The following ACVR1 variants were observed in gnomAD, a reference collection of about 807,000 sequenced individuals.
ACVR1 encodes the protein activin receptor type-1.
In ACVR1, 38 loss-of-function variants were observed where a neutral mutation model predicts 57.1. That is an observed-to-expected ratio of 0.67 (90% CI 0.51 to 0.87). The LOEUF (loss-of-function observed/expected upper bound fraction) is 0.87. Among genes scored for constraint, ACVR1 ranks in the 40% least tolerant of loss-of-function variants. ACVR1 has a pLI of 0.00. For missense variants in ACVR1, 463 were observed against 638.2 expected, an observed-to-expected ratio of 0.73 and a Z score of 2.96; for synonymous variants, 212 against 228.1, an observed-to-expected ratio of 0.93 and a Z score of 0.63.
rs142269555 is a variant in ACVR1, at chr2:157,776,879, T to C, written c.543+1252A>G. ...ACTGCAAAATGATTTCAAATACACA[T>C]GGGCAATGGCATTAAGTAAAACTGA... On this transcript the variant is annotated intron_variant, in intron 5 of 10. Transcript: ENST00000434821. Among the ~76,000 whole-genome samples the C allele has an allele frequency of 3.8e-3, 576 of 152,334 alleles. 2 individuals are homozygous for C. The highest frequency in any genetic ancestry group is 0.015 in the South Asian group (74 of 4,832).
chr2:157,826,786 G>GA lies in ACVR1; in HGVS notation c.-182-8228dup, dbSNP rs758999248. Reference sequence around the variant, plus strand: ...GAAAGGAAAGGAAAGGAAAGGAAAGGAAAGGGAAAGGGAAAAGGAAAAGGA... The same window carrying GA: ...GAAAGGAAAGGAAAGGAAAGGAAAGGAAAAGGGAAAGGGAAAAGGAAAAGGA... On this transcript the variant is annotated intron_variant, in intron 1 of 10. Transcript: ENST00000434821. The GA allele has an allele frequency of 5.7e-4, 59 of 103,424 alleles. 2 individuals are homozygous for GA. The highest frequency in any genetic ancestry group is 2.3e-3 in the African/African-American group (50 of 21,738). The allele number at this position is 103,424 out of a possible 1,614,324, so 6.4% of individuals were successfully genotyped here.
rs373130379 is a variant in ACVR1 at position 157,808,993 on chromosome 2, C to G, written c.-8+9392G>C. ...AATTACAGCAATGTGAGGCAAGAACCCTGGTCTTTACAAAAAGGAACTCTT... is the reference window on the plus strand; with the variant it reads ...AATTACAGCAATGTGAGGCAAGAACGCTGGTCTTTACAAAAAGGAACTCTT... On this transcript the variant is annotated intron_variant, in intron 2 of 10. Coordinates refer to ENST00000434821, the MANE Select transcript of ACVR1 (RefSeq NM_001111067.4). 1.1e-4 allele frequency among the ~76,000 whole-genome samples: 16 copies of G among 152,188 alleles called. No homozygotes were observed. The East Asian group carries it at 3.1e-3, about 29-fold the overall frequency.
In ACVR1 at chr2:157,799,444, G is replaced by A; in HGVS notation, c.50C>T (p.Pro17Leu). ...TCACTTACCTTCCATACTAGGGGAGGGGAGAGCAATCATGATAAGCACAGG... is the reference window on the plus strand; with the variant it reads ...TCACTTACCTTCCATACTAGGGGAGAGGAGAGCAATCATGATAAGCACAGG... ...ILPVLIMIAL[P>L]SPSMEDEKPK... The change falls in exon 3 of 11, where the codon CCC becomes CTC. Residue 17 changes from proline (P) to leucine (L), a missense_variant. Physicochemically the swap from Pro to Leu is moderately conservative, Grantham distance 98. Coordinates refer to ENST00000434821, the MANE Select transcript of ACVR1 (RefSeq NM_001111067.4). 3 of 1,612,150 alleles carry A rather than the reference G, an allele frequency of 1.9e-6. No homozygotes were observed. In the South Asian group the frequency reaches 3.3e-5, roughly 18 times the overall value.
intron 2 of ACVR1, among the ~76,000 whole-genome samples, chr2:157,802,709 C>A (rs947298057): frequency 6.6e-6 from 1 of 152,192 alleles, no homozygotes; most frequent in African/African-American, 2.4e-5. Flanking sequence ...ACTCTCTGCT[C>A]ATTCTCATAG....
chr2:157,825,291 T>C (rs1435193542), intron 1 of ACVR1, among the ~76,000 whole-genome samples: 1 of 152,158 alleles, frequency 6.6e-6, no homozygotes, highest in Non-Finnish European at 1.5e-5. Context: ...TTTCTAATTC[T>C]CCTTCATTTT....
Position 157,770,474 on chromosome 2 carries a change from T to C in ACVR1, c.684A>G (p.Gln228=). 1 of 1,614,074 alleles carries C rather than the reference T, an allele frequency of 6.2e-7. No individual in the cohort carries two copies. The highest frequency in any genetic ancestry group is 8.5e-7 in the Non-Finnish European group (1 of 1,179,960). The stretch of plus-strand genomic sequence containing the variant: ...AGATCTTCACGGCAACATTCTCCCC[T>C]TGCCAGCTGCCCCTCCACACCTCAC... ...RYGEVWRGSW[Q]GENVAVKIFS... Residue 228 remains glutamine, a synonymous_variant, in exon 7 of 11, where the codon CAA becomes CAG. Transcript: ENST00000434821.
intron 9 of ACVR1, among the ~76,000 whole-genome samples, chr2:157,741,138 G>A (rs1409559349): frequency 6.6e-6 from 1 of 152,094 alleles, no homozygotes; most frequent in East Asian, 1.9e-4. Flanking sequence ...AGCAGGACAA[G>A]TCTCTCATTT....
intron 3 of ACVR1, among the ~76,000 whole-genome samples, chr2:157,794,086 A>T (rs983834762): frequency 6.6e-6 from 1 of 152,216 alleles, no homozygotes; most frequent in Non-Finnish European, 1.5e-5. Flanking sequence ...GCTTTGAAAT[A>T]TTTCCAAAGG....
At chr2:157,867,303 C>T (rs1021022604) in intron 1 of ACVR1, among the ~76,000 whole-genome samples, 86 of 152,226 alleles carry the variant, frequency 5.6e-4, no homozygotes, top group African/African-American at 2.1e-3. Context: ...TTCCTCCTGG[C>T]TTCTGGGCAT....
At chr2:157,788,259 C>T (rs541594730) in intron 3 of ACVR1, among the ~76,000 whole-genome samples, 14 of 152,298 alleles carry the variant, frequency 9.2e-5, no homozygotes, top group East Asian at 5.8e-4. Context: ...TCCACTATTT[C>T]GGTTACCTAC....
At chr2:157,838,093 C>G (rs567440488) in intron 1 of ACVR1, 4 of 152,150 alleles carry the variant, frequency 2.6e-5, no homozygotes, top group Non-Finnish European at 4.4e-5. Flanking sequence ...GCTTTTCCCC[C>G]CCTCCCCACA....
intron 3 of ACVR1, among the ~76,000 whole-genome samples, chr2:157,786,561 T>C (rs548270611): frequency 6.6e-6 from 1 of 152,352 alleles, no homozygotes; most frequent in East Asian, 1.9e-4. Flanking sequence ...TCTGTTCACC[T>C]ACTTGGGCTC....
chr2:157,870,562 C>T (rs991948433), intron 1 of ACVR1, among the ~76,000 whole-genome samples: 3 of 152,192 alleles, frequency 2.0e-5, no homozygotes, highest in Non-Finnish European at 4.4e-5. Flanking sequence ...CCCACCACTA[C>T]GTTTTCACTG....
intron 1 of ACVR1, among the ~76,000 whole-genome samples, chr2:157,853,584 T>C (rs938749108): frequency 3.9e-5 from 6 of 152,224 alleles, no homozygotes; most frequent in Admixed American, 3.9e-4. Flanking sequence ...TTCTTAAAGC[T>C]GCTGCTCATA....
chr2:157,873,797 A>C (rs1248623945), intron 1 of ACVR1, among the ~76,000 whole-genome samples: 2 of 152,228 alleles, frequency 1.3e-5, no homozygotes, highest in African/African-American at 4.8e-5. Flanking sequence ...TTCCTTGGAC[A>C]CATGAAGAAA....
In ACVR1 at chr2:157,869,485, T is replaced by A. The variant is rs976678378; in HGVS notation, c.-183+6311A>T. ...TCAGTTTAGTATATAAAGACTAGAATTTTTAAAATAAAAATTGAATATTAA... is the reference window on the plus strand; with the variant it reads ...TCAGTTTAGTATATAAAGACTAGAAATTTTAAAATAAAAATTGAATATTAA... On this transcript the variant is annotated intron_variant, in intron 1 of 10. Coordinates refer to ENST00000434821, the MANE Select transcript of ACVR1 (RefSeq NM_001111067.4). Among the ~76,000 whole-genome samples, 3 of 152,210 alleles carry A rather than the reference T, an allele frequency of 2.0e-5. No homozygotes were observed. In the South Asian group the frequency reaches 6.2e-4, roughly 32 times the overall value.
At chr2:157,809,684 G>A (rs1208312499) in intron 2 of ACVR1, among the ~76,000 whole-genome samples, 4 of 152,194 alleles carry the variant, frequency 2.6e-5, no homozygotes. Flanking sequence ...CTATGAAGTA[G>A]GGAGAAAGAA....
At chr2:157,744,914 A>G (rs1427407913) in intron 9 of ACVR1, among the ~76,000 whole-genome samples, 1 of 152,194 alleles carries the variant, frequency 6.6e-6, no homozygotes. Flanking sequence ...AACTCATGGC[A>G]GGCACTTCTT....
chr2:157,746,458 A>G (rs774305998), intron 9 of ACVR1, among the ~76,000 whole-genome samples: 1 of 152,190 alleles, frequency 6.6e-6, no homozygotes, highest in African/African-American at 2.4e-5. Context: ...TCCGGAGTGC[A>G]CTCTTCACAC....
Sources: allele counts gnomAD v4.1 joint callset (sites outside exome capture counted in the v4.1 genomes callset), GRCh38; gene constraint gnomAD v4.1.1; transcripts MANE v1.5; gene names NCBI Gene and HGNC (gene_info 2026-07-23, HGNC 2026-07-21).